The following REC114 variants were observed in gnomAD, a reference collection of about 807,000 sequenced individuals.
REC114 encodes the protein REC114 meiotic recombination protein, also known as meiotic recombination protein REC114.
REC114 carries 27 observed loss-of-function variants against 31.3 expected under a neutral mutation model. The observed-to-expected ratio is 0.86, with a 90% confidence interval of 0.64 to 1.19. The LOEUF is 1.19. Among genes scored for constraint, REC114 ranks in the 50% most tolerant of loss-of-function variants. The probability of loss-of-function intolerance (pLI) is 0.00; values close to 1 mark genes in which losing one functional copy is unlikely to be tolerated. For missense variants in REC114, 344 were observed against 326.9 expected, an observed-to-expected ratio of 1.05 and a Z score of -0.40; for synonymous variants, 134 against 127.7, an observed-to-expected ratio of 1.05 and a Z score of -0.33.
At chr15:73,474,682 A>G (rs1309565987) in intron 2 of REC114, among the ~76,000 whole-genome samples, 14 of 152,336 alleles carry the variant, frequency 9.2e-5, no homozygotes, top group Middle Eastern at 3.4e-3. Context: ...GATGCTAGGG[A>G]TATAGCAGTG....
At chr15:73,550,905 G>A in intron 3 of REC114, 33 bp from the exon 4 acceptor site, 1 of 1,592,054 alleles carries the variant, frequency 6.3e-7, no homozygotes. Flanking sequence ...TATGATGAGG[G>A]TCTCTCATGA....
At chr15:73,521,702 G>C (rs559718249) in intron 2 of REC114, among the ~76,000 whole-genome samples, 1 of 152,142 alleles carries the variant, frequency 6.6e-6, no homozygotes, top group African/African-American at 2.4e-5. Context: ...TTTATATCAT[G>C]TATTTGATTG....
intron 2 of REC114, among the ~76,000 whole-genome samples, chr15:73,496,788 T>A (rs1409603309): frequency 6.6e-6 from 1 of 152,204 alleles, no homozygotes; most frequent in Non-Finnish European, 1.5e-5. Flanking sequence ...TACTACTAAC[T>A]GATCTACAGA....
chr15:73,485,287 T>G (rs539550840), intron 2 of REC114, among the ~76,000 whole-genome samples: 2 of 152,150 alleles, frequency 1.3e-5, no homozygotes, highest in South Asian at 4.1e-4. Context: ...TTTCACCGTG[T>G]TGGCCAGGAT....
intron 3 of REC114, among the ~76,000 whole-genome samples, chr15:73,550,141 T>C (rs1198228306): frequency 6.6e-6 from 1 of 152,182 alleles, no homozygotes; most frequent in South Asian, 2.1e-4. Context: ...TTATGTAGGT[T>C]GACTCCTCTA....
At chr15:73,496,530 G>A (rs1893528683) in intron 2 of REC114, among the ~76,000 whole-genome samples, 1 of 151,536 alleles carries the variant, frequency 6.6e-6, no homozygotes, top group African/African-American at 2.4e-5. Context: ...GCGGACACCT[G>A]TAATCCCAGC....
At chr15:73,487,627 G>A (rs567309493) in intron 2 of REC114, among the ~76,000 whole-genome samples, 6 of 152,346 alleles carry the variant, frequency 3.9e-5, no homozygotes, top group South Asian at 2.1e-4. Context: ...GGCCCTGCCC[G>A]TTAGAACTTT....
At chr15:73,458,293 A>G (rs1031544352) in intron 1 of REC114, among the ~76,000 whole-genome samples, 9 of 152,214 alleles carry the variant, frequency 5.9e-5, no homozygotes, top group African/African-American at 2.2e-4. Flanking sequence ...AGGCCTAATT[A>G]GGGTAAATAG....
intron 1 of REC114, among the ~76,000 whole-genome samples, chr15:73,464,245 A>G (rs1893026716): frequency 6.6e-6 from 1 of 152,002 alleles, no homozygotes; most frequent in South Asian, 2.1e-4. Context: ...CAATTCTTCA[A>G]TTAGCTATTG....
chr15:73,465,493 T>C (rs1370330162), intron 1 of REC114, among the ~76,000 whole-genome samples: 1 of 152,182 alleles, frequency 6.6e-6, no homozygotes, highest in Non-Finnish European at 1.5e-5. Context: ...ACCTCTCTAT[T>C]TATATTGTAA....
intron 2 of REC114, among the ~76,000 whole-genome samples, chr15:73,507,178 A>G (rs1031859384): frequency 6.6e-6 from 1 of 152,246 alleles, no homozygotes; most frequent in Non-Finnish European, 1.5e-5. Flanking sequence ...TGGGCAAAGG[A>G]TATAAACAGA....
chr15:73,468,400 A>T (rs550771349), intron 1 of REC114, among the ~76,000 whole-genome samples: 1 of 152,236 alleles, frequency 6.6e-6, no homozygotes, highest in African/African-American at 2.4e-5. Flanking sequence ...GTGTATGTAA[A>T]TGCAATTGGT....
intron 2 of REC114, among the ~76,000 whole-genome samples, chr15:73,498,156 C>T (rs1174745781): frequency 2.0e-5 from 3 of 151,002 alleles, no homozygotes; most frequent in Non-Finnish European, 4.4e-5. Context: ...TGTTATTACT[C>T]TTGTTTTTTT....
In REC114 at chr15:73,529,426, C is replaced by T. The variant is rs1894046739; in HGVS notation, c.250-11059C>T. ...GTGCTGGGATTACAGGTGTGAGCCA[C>T]TGCGCCTGGCTGGTCCTTGGCTTTT... On this transcript the variant is annotated intron_variant, in intron 2 of 5. Coordinates refer to ENST00000331090, the MANE Select transcript of REC114 (RefSeq NM_001042367.2). 2.0e-5 allele frequency among the ~76,000 whole-genome samples: 3 copies of T among 152,150 alleles called. No homozygotes were observed. The South Asian group carries it at 6.2e-4, about 31-fold the overall frequency.
chr15:73,529,168 C>T (rs138418880), intron 2 of REC114, among the ~76,000 whole-genome samples: 4,362 of 150,460 alleles, frequency 0.029, 101 homozygotes, highest in Middle Eastern at 0.041. Flanking sequence ...GACAGAGTCT[C>T]GCTCTGTCGC....
chr15:73,492,302 A>G (rs959182438), intron 2 of REC114, among the ~76,000 whole-genome samples: 2 of 152,084 alleles, frequency 1.3e-5, no homozygotes, highest in South Asian at 2.1e-4. Context: ...CATTATATTT[A>G]TGGGACTTGT....
intron 2 of REC114, among the ~76,000 whole-genome samples, chr15:73,534,995 ACT>A (rs1566947027): frequency 7.1e-6 from 1 of 140,692 alleles, no homozygotes; most frequent in Non-Finnish European, 1.5e-5. Flanking sequence ...CATGCTAAAA[ACT>A]CTCAATAAAT....
chr15:73,443,273 A>G lies in REC114; in HGVS notation c.88A>G (p.Ile30Val), dbSNP rs748990746. The G allele has an allele frequency of 1.9e-6, 3 of 1,579,650 alleles. No homozygotes were observed. Among genetic ancestry groups the G allele is most frequent in the South Asian group, 1.2e-5 (1 of 85,932 alleles). Reference protein sequence around the residue: ...EWPLQRYARCIPSNTRDPPGP... With the variant: ...EWPLQRYARCVPSNTRDPPGP... ...GCCTCTGCAGCGGTACGCCCGCTGC[A>G]TACCCTCAAACACCAGAGACCCACC... The change falls in exon 1 of 6, where the codon ATA becomes GTA. Residue 30 changes from isoleucine (I) to valine (V), a missense_variant. Transcript: ENST00000331090.
intron 2 of REC114, among the ~76,000 whole-genome samples, chr15:73,497,354 C>T (rs1418844735): frequency 6.6e-6 from 1 of 152,088 alleles, no homozygotes. Flanking sequence ...TCCCTTTTCC[C>T]TTATTTATTT....
Sources: allele counts gnomAD v4.1 joint callset (sites outside exome capture counted in the v4.1 genomes callset), GRCh38; gene constraint gnomAD v4.1.1; transcripts MANE v1.5; gene names NCBI Gene and HGNC (gene_info 2026-07-23, HGNC 2026-07-21).